The following IL1RAPL1 variants were observed in gnomAD, a reference collection of about 807,000 sequenced individuals.
The protein encoded by IL1RAPL1 is interleukin 1 receptor accessory protein like 1.
Under a neutral mutation model 48.4 loss-of-function variants are expected in IL1RAPL1, and 3 were observed. That is an observed-to-expected ratio of 0.06 (90% confidence interval 0.03 to 0.16). IL1RAPL1 has a LOEUF of 0.16. Ranked by LOEUF, IL1RAPL1 falls within the 10% of genes least tolerant of loss-of-function variation. The probability of loss-of-function intolerance (pLI) is 1.00; values close to 1 mark genes in which losing one functional copy is unlikely to be tolerated. For synonymous variants in IL1RAPL1, 185 were observed against 187.7 expected, an observed-to-expected ratio of 0.99 and a Z score of 0.12; for missense variants, 349 against 530.6, an observed-to-expected ratio of 0.66 and a Z score of 3.36.
In IL1RAPL1 at chrX:29,956,318, C is replaced by T. The variant is rs1489670456; in HGVS notation, c.*498C>T. The stretch of plus-strand genomic sequence containing the variant: ...AACAGTGCAACAAATGCCAGCATTG[C>T]CATTCGGGGGAAAAAAAAAAAAAAA... On this transcript the variant is annotated 3_prime_UTR_variant, in exon 11 of 11. Coordinates refer to ENST00000378993, the MANE Select transcript of IL1RAPL1 (RefSeq NM_014271.4). 4.2e-5 allele frequency: 4 copies of T among 95,792 alleles called. No individual in the cohort carries two copies. Among genetic ancestry groups the T allele is most frequent in the East Asian group, 3.3e-4 (1 of 3,074 alleles). 7.9% of individuals were successfully genotyped at this position (95,792 alleles called of 1,213,427 possible). A position where few individuals can be genotyped will look rare whatever the true frequency, so the allele number is the denominator to read the frequency against.
At chrX:29,840,907 A>G (rs1172582809) in intron 6 of IL1RAPL1, among the ~76,000 whole-genome samples, 2 of 112,230 alleles carry the variant, frequency 1.8e-5, no homozygotes, top group African/African-American at 3.2e-5. Context: ...GAATAATCCA[A>G]TAACCAATGA....
At chrX:29,169,880 G>A (rs1789023473) in intron 2 of IL1RAPL1, among the ~76,000 whole-genome samples, 1 of 110,613 alleles carries the variant, frequency 9.0e-6, no homozygotes, top group Admixed American at 9.7e-5. Context: ...ATGTTACTTT[G>A]AAACTTTGTC....
chrX:29,619,807 A>T (rs1924405100), intron 5 of IL1RAPL1, among the ~76,000 whole-genome samples: 1 of 111,745 alleles, frequency 8.9e-6, no homozygotes, highest in South Asian at 3.7e-4. Context: ...TTAATACTTC[A>T]TGCATTGAAG....
intron 6 of IL1RAPL1, among the ~76,000 whole-genome samples, chrX:29,736,070 A>G (rs1270716086): frequency 8.9e-6 from 1 of 112,448 alleles, no homozygotes; most frequent in Non-Finnish European, 1.9e-5. Flanking sequence ...AGAGAAAGAA[A>G]ACCTATGAGA....
At chrX:29,848,271 T>G (rs1202320593) in intron 6 of IL1RAPL1, among the ~76,000 whole-genome samples, 1 of 111,442 alleles carries the variant, frequency 9.0e-6, no homozygotes, top group Non-Finnish European at 1.9e-5. Flanking sequence ...TTTTCTCCCC[T>G]TTTATTTCCA....
intron 1 of IL1RAPL1, among the ~76,000 whole-genome samples, chrX:28,760,670 G>A (rs1247895693): frequency 9.0e-6 from 1 of 111,724 alleles, no homozygotes; most frequent in Non-Finnish European, 1.9e-5. Flanking sequence ...GTCTATTCAA[G>A]ACAAAGAAGT....
intron 6 of IL1RAPL1, among the ~76,000 whole-genome samples, chrX:29,885,124 C>T (rs1485981730): frequency 9.0e-6 from 1 of 111,648 alleles, no homozygotes; most frequent in Non-Finnish European, 1.9e-5. Context: ...TTCTGACATG[C>T]CAAGCACACT....
intron 2 of IL1RAPL1, among the ~76,000 whole-genome samples, chrX:28,955,134 GT>G (rs1422855872): frequency 1.8e-5 from 2 of 111,346 alleles, no homozygotes; most frequent in African/African-American, 6.5e-5. Context: ...ATAAATTATT[GT>G]TTTTATCATT....
At chrX:29,424,360 A>G (rs747789060) in intron 5 of IL1RAPL1, among the ~76,000 whole-genome samples, 130 of 108,535 alleles carry the variant, frequency 1.2e-3, no homozygotes, top group Non-Finnish European at 2.3e-3. Context: ...GATGAAAAGG[A>G]GTGGCAAGAT....
chrX:29,899,688 C>T (rs1407954204), intron 6 of IL1RAPL1, among the ~76,000 whole-genome samples: 3 of 108,760 alleles, frequency 2.8e-5, no homozygotes, highest in East Asian at 2.9e-4. Flanking sequence ...GGATTACAGG[C>T]GCCTGCCACC....
chrX:29,257,621 T>C (rs957082926), intron 2 of IL1RAPL1, among the ~76,000 whole-genome samples: 4 of 111,749 alleles, frequency 3.6e-5, no homozygotes, highest in Non-Finnish European at 7.6e-5. Flanking sequence ...TTTCTCCTAT[T>C]ATATGTGTTA....
chrX:28,961,645 C>T lies in IL1RAPL1; in HGVS notation c.82+172220C>T, dbSNP rs968341692. On this transcript the variant is annotated intron_variant, in intron 2 of 10. Transcript: ENST00000378993. ...TTAGTTTGCTGAGGATGATGGTTTC[C>T]AGCTTCATCCATGTCCCTGCAAAGG... Among the ~76,000 whole-genome samples the T allele has an allele frequency of 4.5e-5, 5 of 111,252 alleles. No individual in the cohort carries two copies. In the East Asian group the frequency reaches 1.4e-3, roughly 32 times the overall value.
intron 8 of IL1RAPL1, among the ~76,000 whole-genome samples, chrX:29,926,269 G>C (rs924638234): frequency 8.9e-6 from 1 of 112,222 alleles, no homozygotes; most frequent in Non-Finnish European, 1.9e-5. Context: ...GAAAAGAAAA[G>C]GACCATTGTC....
At chrX:28,897,410 A>G (rs909736488) in intron 2 of IL1RAPL1, among the ~76,000 whole-genome samples, 6 of 111,915 alleles carry the variant, frequency 5.4e-5, no homozygotes, top group Non-Finnish European at 1.1e-4. Context: ...GGGTCCACGG[A>G]TAAAACGCGT....
chrX:29,826,970 C>T (rs764442352), intron 6 of IL1RAPL1, among the ~76,000 whole-genome samples: 2 of 112,049 alleles, frequency 1.8e-5, no homozygotes, highest in Non-Finnish European at 3.8e-5. Context: ...TCTTACATTC[C>T]CATCAACACT....
chrX:28,691,664 C>T (rs1935179718), intron 1 of IL1RAPL1, among the ~76,000 whole-genome samples: 1 of 111,500 alleles, frequency 9.0e-6, no homozygotes, highest in Non-Finnish European at 1.9e-5. Context: ...TCTTCTTCTT[C>T]CCTCCCTTCT....
chrX:28,675,637 G>A (rs1012216651), intron 1 of IL1RAPL1, among the ~76,000 whole-genome samples: 1 of 111,402 alleles, frequency 9.0e-6, no homozygotes, highest in Non-Finnish European at 1.9e-5. Flanking sequence ...ATATAACATT[G>A]CGCATAATAT....
chrX:29,381,595 T>C (rs1308590289), intron 3 of IL1RAPL1, among the ~76,000 whole-genome samples: 4 of 97,070 alleles, frequency 4.1e-5, no homozygotes. Context: ...CAGGAGGATC[T>C]CTTGAGCCCA....
intron 1 of IL1RAPL1, among the ~76,000 whole-genome samples, chrX:28,590,897 G>A (rs774232526): frequency 1.8e-5 from 2 of 112,092 alleles, no homozygotes; most frequent in South Asian, 7.4e-4. Context: ...CTTACTTGAA[G>A]ACTGCATATA....
Sources: allele counts gnomAD v4.1 joint callset (sites outside exome capture counted in the v4.1 genomes callset), GRCh38; gene constraint gnomAD v4.1.1; transcripts MANE v1.5; gene names NCBI Gene and HGNC (gene_info 2026-07-23, HGNC 2026-07-21).